The following PDE4B variants were observed in gnomAD, a reference collection of about 807,000 sequenced individuals.
PDE4B encodes the protein 3',5'-cyclic-AMP phosphodiesterase 4B.
In PDE4B, 20 loss-of-function variants were observed where a neutral mutation model predicts 82.2. The ratio of observed to expected loss-of-function variants is 0.24; its 90% confidence interval spans 0.17 to 0.35. The LOEUF is 0.35. Among genes scored for constraint, PDE4B ranks in the 10% least tolerant of loss-of-function variants. The probability of loss-of-function intolerance (pLI) is 1.00; values close to 1 mark genes in which losing one functional copy is unlikely to be tolerated. For missense variants in PDE4B, 655 were observed against 907.2 expected (o/e 0.72, Z 3.57); for synonymous variants, 320 against 318.9 (o/e 1.00, Z -0.04).
rs367611854 is a variant in PDE4B at position 65,797,490 on chromosome 1, A to G, written c.-71+4242A>G. Among the ~76,000 whole-genome samples, 17 of 152,236 alleles carry G rather than the reference A, an allele frequency of 1.1e-4. No homozygotes were observed. The East Asian group carries it at 3.3e-3, about 29-fold the overall frequency. The stretch of plus-strand genomic sequence containing the variant: ...GCCTACTTTTGTGGGCAGTGGTTTC[A>G]ATGACAATTTAATTTCTAGAGGCTT... On this transcript the variant is annotated intron_variant, in intron 1 of 16. Coordinates refer to ENST00000341517, the MANE Select transcript of PDE4B (RefSeq NM_002600.4).
intron 3 of PDE4B, among the ~76,000 whole-genome samples, chr1:66,044,599 G>A (rs985453238): frequency 3.3e-5 from 5 of 151,604 alleles, no homozygotes; most frequent in South Asian, 2.1e-4. Context: ...CTGGACTCAC[G>A]ACGAGCACAG....
rs71058435 is a variant in PDE4B, at chr1:65,920,959, C to CTTT, written c.281+2149_281+2151dup. Among the ~76,000 whole-genome samples, 398 of 68,192 alleles carry CTTT rather than the reference C, an allele frequency of 5.8e-3. 48 individuals carry two copies. Among genetic ancestry groups the CTTT allele is most frequent in the African/African-American group, 9.2e-3 (174 of 18,906 alleles). 44.7% of individuals were successfully genotyped at this position (68,192 alleles called of 152,430 possible). A position where few individuals can be genotyped will look rare whatever the true frequency, so the allele number is the denominator to read the frequency against. On this transcript the variant is annotated intron_variant, in intron 3 of 16. Coordinates refer to ENST00000341517, the MANE Select transcript of PDE4B (RefSeq NM_002600.4). ...AAAACATAAGTAACTAAAAGCATTT[C>CTTT]TTTTTTTTTTTTTTTTTTTTTTTTT... is the stretch of plus-strand genomic sequence containing the variant.
intron 3 of PDE4B, among the ~76,000 whole-genome samples, chr1:65,997,465 A>T (rs1248882765): frequency 6.6e-6 from 1 of 152,180 alleles, no homozygotes; most frequent in Non-Finnish European, 1.5e-5. Flanking sequence ...ACACTGGATT[A>T]AGTGGAGAAT....
At chr1:66,247,144 G>A (rs908898497) in intron 3 of PDE4B, among the ~76,000 whole-genome samples, 3 of 152,092 alleles carry the variant, frequency 2.0e-5, no homozygotes, top group Admixed American at 6.5e-5. Context: ...CACCAACGCC[G>A]AATTTGTCCA....
chr1:66,367,910 T>A (rs1425406190), intron 14 of PDE4B, 33 bp from the exon 15 acceptor site: 1 of 1,612,998 alleles, frequency 6.2e-7, no homozygotes, highest in Non-Finnish European at 8.5e-7. Context: ...TAGACTGAAT[T>A]TATTAAGAGT....
chr1:65,824,847 G>T (rs1279802198), intron 1 of PDE4B, among the ~76,000 whole-genome samples: 1 of 152,110 alleles, frequency 6.6e-6, no homozygotes, highest in Non-Finnish European at 1.5e-5. Context: ...GCAATAAGGA[G>T]GTCCAGCTTT....
At chr1:66,294,622 A>T (rs1256922319) in intron 7 of PDE4B, among the ~76,000 whole-genome samples, 1 of 152,194 alleles carries the variant, frequency 6.6e-6, no homozygotes, top group Non-Finnish European at 1.5e-5. Context: ...AGAAATAAGC[A>T]ATAAATCTTA....
chr1:66,313,118 A>G (rs1354009389), intron 7 of PDE4B, among the ~76,000 whole-genome samples: 1 of 152,226 alleles, frequency 6.6e-6, no homozygotes, highest in Non-Finnish European at 1.5e-5. Context: ...CAAGCACCAT[A>G]GAGTGTTAAG....
chr1:66,049,333 A>G (rs1654891500), intron 3 of PDE4B, among the ~76,000 whole-genome samples: 1 of 152,210 alleles, frequency 6.6e-6, no homozygotes, highest in Admixed American at 6.6e-5. Context: ...CATGGATTTC[A>G]TACATTTCCC....
chr1:66,144,247 T>C (rs1646227477), intron 3 of PDE4B, among the ~76,000 whole-genome samples: 1 of 152,248 alleles, frequency 6.6e-6, no homozygotes, highest in Non-Finnish European at 1.5e-5. Flanking sequence ...CATTCAACAA[T>C]TAAACAAATA....
At chr1:66,051,102 C>G (rs192156123) in intron 3 of PDE4B, among the ~76,000 whole-genome samples, 118 of 152,060 alleles carry the variant, frequency 7.8e-4, no homozygotes, top group African/African-American at 2.6e-3. Context: ...TATGTTTTTG[C>G]CTTTGGAACA....
intron 9 of PDE4B, among the ~76,000 whole-genome samples, chr1:66,357,074 C>T (rs1176579175): frequency 6.6e-6 from 1 of 152,122 alleles, no homozygotes; most frequent in Non-Finnish European, 1.5e-5. Context: ...GTTTTAGGGA[C>T]ATTTTACAGG....
At chr1:65,843,889 T>G (rs1314065659) in intron 1 of PDE4B, among the ~76,000 whole-genome samples, 2 of 152,200 alleles carry the variant, frequency 1.3e-5, no homozygotes, top group Non-Finnish European at 2.9e-5. Context: ...CTCGCCTGTT[T>G]CCACAGTATG....
chr1:65,853,116 C>A (rs1228963066), intron 1 of PDE4B, among the ~76,000 whole-genome samples: 1 of 152,078 alleles, frequency 6.6e-6, no homozygotes, highest in African/African-American at 2.4e-5. Flanking sequence ...TCAGTTGACT[C>A]CATTATCATT....
chr1:65,972,711 C>T (rs1650207569), intron 3 of PDE4B, among the ~76,000 whole-genome samples: 2 of 152,272 alleles, frequency 1.3e-5, no homozygotes, highest in Admixed American at 1.3e-4. Flanking sequence ...CTCTGATTCA[C>T]TTAGTGTTTC....
intron 3 of PDE4B, among the ~76,000 whole-genome samples, chr1:66,166,466 T>A (rs1317837706): frequency 1.3e-5 from 2 of 152,188 alleles, no homozygotes; most frequent in Non-Finnish European, 2.9e-5. Flanking sequence ...CTGGGCGGGT[T>A]GGCTCACACC....
chr1:65,826,112 A>G (rs543146053), intron 1 of PDE4B, among the ~76,000 whole-genome samples: 4 of 152,300 alleles, frequency 2.6e-5, no homozygotes, highest in South Asian at 4.2e-4. Context: ...TTTCCTTTCC[A>G]AAGTTCACAT....
chr1:65,992,743 A>C, intron 3 of PDE4B: 1 of 1,360,208 alleles, frequency 7.4e-7, no homozygotes, highest in Non-Finnish European at 9.4e-7. Context: ...CTATTCTTCG[A>C]GTATGCTGCT....
chr1:66,255,504 A>G (rs1317434283), intron 4 of PDE4B, among the ~76,000 whole-genome samples: 4 of 152,212 alleles, frequency 2.6e-5, no homozygotes, highest in African/African-American at 7.2e-5. Flanking sequence ...TATAGCTAAT[A>G]TGCTCTGCTC....
Sources: gnomAD v4.1 joint callset for allele counts (sites outside exome capture counted in the v4.1 genomes callset) on GRCh38, gnomAD v4.1.1 for gene constraint, MANE v1.5 for transcripts, NCBI Gene and HGNC (gene_info 2026-07-23, HGNC 2026-07-21) for gene names.